SERPINB2: variants seen among roughly 807,000 people sequenced by gnomAD.
The protein encoded by SERPINB2 is plasminogen activator inhibitor 2.
In SERPINB2, 28 loss-of-function variants were observed where a neutral mutation model predicts 39.4. The observed-to-expected ratio is 0.71, with a 90% confidence interval of 0.53 to 0.97. The LOEUF (loss-of-function observed/expected upper bound fraction) is 0.97, where lower values mean the gene tolerates loss of function less well. Among genes scored for constraint, SERPINB2 ranks in the 50% least tolerant of loss-of-function variants. The pLI is 0.00. For synonymous variants in SERPINB2, 209 were observed against 175.1 expected, an observed-to-expected ratio of 1.19 and a Z score of -1.53; for missense variants, 557 against 505.3, an observed-to-expected ratio of 1.10 and a Z score of -0.98.
intron 3 of SERPINB2, among the ~76,000 whole-genome samples, chr18:63,896,330 G>A (rs554537872): frequency 1.1e-4 from 16 of 152,318 alleles, no homozygotes; most frequent in Middle Eastern, 3.4e-3. Context: ...ACAAACTTCA[G>A]TTTGAGAACT....
rs753865643 is a variant in SERPINB2, at chr18:63,903,210, G to C, written c.1153G>C (p.Gly385Arg). The change falls in exon 8 of 8, where the codon GGC (glycine) becomes CGC (arginine). Residue 385 changes from glycine (G) to arginine (R), a missense_variant. Physicochemically the swap from Gly to Arg is moderately radical, Grantham distance 125. Coordinates refer to ENST00000299502, the MANE Select transcript of SERPINB2 (RefSeq NM_002575.3). ...GVMTGRTGHG[G>R]PQFVADHPFL... is the part of the protein sequence containing the mutation. ...TATGACAGGGAGAACTGGACATGGA[G>C]GCCCACAGTTTGTGGCAGATCATCC... 2 of 1,612,466 alleles carry C rather than the reference G, an allele frequency of 1.2e-6. No homozygotes were observed. The highest frequency in any genetic ancestry group is 1.7e-6 in the Non-Finnish European group (2 of 1,179,296).
At chr18:63,894,860 G>GTTAT (rs1474416410) in intron 2 of SERPINB2, among the ~76,000 whole-genome samples, 2 of 152,108 alleles carry the variant, frequency 1.3e-5, no homozygotes, top group Non-Finnish European at 2.9e-5. Flanking sequence ...AGTATTTTGT[G>GTTAT]TATAAGGCCA....
At chr18:63,896,182 A>T (rs965450193) in intron 3 of SERPINB2, among the ~76,000 whole-genome samples, 2 of 152,144 alleles carry the variant, frequency 1.3e-5, no homozygotes, top group African/African-American at 4.8e-5. Flanking sequence ...TATGGGCTAG[A>T]GGAGGTGGAC....
intron 2 of SERPINB2, among the ~76,000 whole-genome samples, chr18:63,893,968 T>C (rs1375770458): frequency 2.0e-5 from 3 of 152,140 alleles, no homozygotes; most frequent in Non-Finnish European, 4.4e-5. Flanking sequence ...AAAGAATACA[T>C]AAAAGATATA....
Position 63,902,003 on chromosome 18 carries a change from A to T in SERPINB2, c.678+121A>T. On this transcript the variant is annotated intron_variant, in intron 6 of 7. Coordinates refer to ENST00000299502, the MANE Select transcript of SERPINB2 (RefSeq NM_002575.3). ...TAGTTAGAAGTTATGCATGTTGGACAGTTGATTGACTCTTTAGAAACAGTA... is the reference window on the plus strand; with the variant it reads ...TAGTTAGAAGTTATGCATGTTGGACTGTTGATTGACTCTTTAGAAACAGTA... 3 of 943,970 alleles carry T rather than the reference A, an allele frequency of 3.2e-6. No homozygotes were observed. In the South Asian group the frequency reaches 4.9e-5, roughly 15 times the overall value. The allele number at this position is 943,970 out of a possible 1,614,324, so 58.5% of individuals were successfully genotyped here.
chr18:63,892,110 AG>A (rs559875308), intron 2 of SERPINB2, among the ~76,000 whole-genome samples: 2 of 151,452 alleles, frequency 1.3e-5, no homozygotes, highest in South Asian at 4.2e-4. Context: ...AGTATCACAA[AG>A]GGAAAAAAAA....
At chr18:63,897,702 C>A (rs1292588805) in intron 4 of SERPINB2, 25 bp from the exon 5 acceptor site, 2 of 1,401,360 alleles carry the variant, frequency 1.4e-6, no homozygotes, top group South Asian at 1.2e-5. Context: ...TTTTATGTAG[C>A]CTTTGTCATT....
chr18:63,897,003 T>C (rs2049963455), intron 3 of SERPINB2, 88 bp from the exon 4 acceptor site: 2 of 1,249,600 alleles, frequency 1.6e-6, no homozygotes, highest in Non-Finnish European at 2.2e-6. Flanking sequence ...ATTTCATGAT[T>C]GTATTCAAAA....
chr18:63,895,925 T>C (rs1236544577), intron 3 of SERPINB2, among the ~76,000 whole-genome samples: 2 of 149,950 alleles, frequency 1.3e-5, no homozygotes, highest in African/African-American at 5.1e-5. Context: ...ATTTATCATC[T>C]ATCTTCTCTG....
At chr18:63,902,125 T>C (rs1048414239) in intron 6 of SERPINB2, among the ~76,000 whole-genome samples, 1 of 152,160 alleles carries the variant, frequency 6.6e-6, no homozygotes, top group African/African-American at 2.4e-5. Context: ...TATTGAGACA[T>C]GGCACGGTTC....
chr18:63,897,865 T>A (rs372579942), intron 5 of SERPINB2, 21 bp downstream of exon 5: 6 of 1,446,682 alleles, frequency 4.1e-6, no homozygotes, highest in Non-Finnish European at 5.8e-6. Flanking sequence ...GAAAATATTT[T>A]ATTTACTTCT....
chr18:63,897,578 C>A, intron 4 of SERPINB2, 149 bp from the exon 5 acceptor site: 1 of 718,486 alleles, frequency 1.4e-6, no homozygotes, highest in Admixed American at 2.4e-5. Flanking sequence ...GCACTCTTTC[C>A]CCCTTCAGCA....
At chr18:63,889,141 A>G (rs1012397648) in intron 1 of SERPINB2, among the ~76,000 whole-genome samples, 4 of 152,204 alleles carry the variant, frequency 2.6e-5, no homozygotes, top group African/African-American at 7.2e-5. Context: ...ATTTTCATTC[A>G]TATTACAGAA....
intron 3 of SERPINB2, 70 bp downstream of exon 3, chr18:63,895,453 T>C: frequency 8.8e-6 from 14 of 1,596,794 alleles, no homozygotes; most frequent in South Asian, 3.3e-5. Context: ...AAAGCCACAG[T>C]GTCAGACTGG....
intron 2 of SERPINB2, among the ~76,000 whole-genome samples, chr18:63,894,023 T>G (rs531160106): frequency 6.6e-6 from 1 of 152,236 alleles, no homozygotes; most frequent in Admixed American, 6.5e-5. Flanking sequence ...ATATAAGCTC[T>G]TTTCCTTACA....
At chr18:63,897,027 C>A in intron 3 of SERPINB2, 64 bp from the exon 4 acceptor site, 1 of 1,476,732 alleles carries the variant, frequency 6.8e-7, no homozygotes, top group Non-Finnish European at 9.2e-7. Flanking sequence ...ATTACCATGG[C>A]TTAAGAACTA....
chr18:63,898,759 A>T (rs890637146), intron 5 of SERPINB2, among the ~76,000 whole-genome samples: 1 of 152,190 alleles, frequency 6.6e-6, no homozygotes, highest in African/African-American at 2.4e-5. Context: ...AATTGGGAAG[A>T]CAGGCTGGAG....
intron 3 of SERPINB2, among the ~76,000 whole-genome samples, chr18:63,896,077 C>G (rs2144700807): frequency 6.6e-6 from 1 of 152,272 alleles, no homozygotes; most frequent in East Asian, 1.9e-4. Flanking sequence ...AACCAACTTC[C>G]ACAGTCATGC....
At position 63,901,885 on chromosome 18, in the gene SERPINB2, A is replaced by G; in HGVS notation, c.678+3A>G. On this transcript the variant is annotated splice_donor_region_variant and intron_variant, in intron 6 of 7. Coordinates refer to ENST00000299502, the MANE Select transcript of SERPINB2 (RefSeq NM_002575.3). ...TTTATCCTTTCCGTGTAAACTCGGTATGAGACAACAAAATACATCTTCCTA... is the reference window on the plus strand; with the variant it reads ...TTTATCCTTTCCGTGTAAACTCGGTGTGAGACAACAAAATACATCTTCCTA... 3 of 1,594,050 alleles carry G rather than the reference A, an allele frequency of 1.9e-6. No homozygotes were observed. The highest frequency in any genetic ancestry group is 1.7e-6 in the Non-Finnish European group (2 of 1,174,568).
Sources: gnomAD v4.1 joint callset for allele counts (sites outside exome capture counted in the v4.1 genomes callset) on GRCh38, gnomAD v4.1.1 for gene constraint, MANE v1.5 for transcripts, NCBI Gene and HGNC (gene_info 2026-07-23, HGNC 2026-07-21) for gene names.